RYR3: variants seen among roughly 807,000 people sequenced by gnomAD.
RYR3 encodes the protein brain ryanodine receptor-calcium release channel.
A neutral mutation model predicts 584.3 loss-of-function variants in RYR3; 207 were observed. The observed-to-expected ratio is 0.35, with a 90% CI of 0.32 to 0.40. The LOEUF (loss-of-function observed/expected upper bound fraction) is 0.40. RYR3 is among the 10% of genes least tolerant of loss of function. The pLI, the probability that RYR3 is intolerant of heterozygous loss-of-function variation, is 1.00. For synonymous variants in RYR3, 2,416 were observed against 2,248.5 expected, an observed-to-expected ratio of 1.07 and a Z score of -2.11; for missense variants, 5,616 against 6,089.2, an observed-to-expected ratio of 0.92 and a Z score of 2.59.
intron 85 of RYR3, among the ~76,000 whole-genome samples, chr15:33,827,916 G>A (rs769934002): frequency 3.3e-5 from 5 of 152,164 alleles, no homozygotes; most frequent in Non-Finnish European, 5.9e-5. Context: ...TTGGATACAG[G>A]CATACCTCAT....
chr15:33,369,580 A>ATCTGTCTGTCTGTCTG, intron 1 of RYR3, among the ~76,000 whole-genome samples: 1 of 151,660 alleles, frequency 6.6e-6, no homozygotes, highest in East Asian at 1.9e-4. Context: ...TCATCTATCT[A>ATCTGTCTGTCTGTCTG]TCTGTCTGTC....
rs1187202458 is a variant in RYR3, at chr15:33,699,738, G to A, written c.6284G>A (p.Arg2095His). The A allele has an allele frequency of 3.7e-6, 6 of 1,613,624 alleles. No homozygotes were observed. The highest frequency in any genetic ancestry group is 2.2e-5 in the East Asian group (1 of 44,852). Reference sequence around the variant, plus strand: ...CCAAAGATGGTTGCTAGCTGCTGCCGTTTCCTTTGCTATTTCTGTCGAATT... The same window carrying A: ...CCAAAGATGGTTGCTAGCTGCTGCCATTTCCTTTGCTATTTCTGTCGAATT... The part of the protein sequence containing the change: ...AFPKMVASCC[R>H]FLCYFCRISR... The change falls in exon 41 of 104, where the codon CGT becomes CAT. Residue 2095 changes from arginine (R) to histidine (H), a missense_variant. Physicochemically the swap from Arg to His is conservative, Grantham distance 29. Coordinates refer to ENST00000634891, the MANE Select transcript of RYR3 (RefSeq NM_001036.6).
At chr15:33,736,459 A>G in intron 49 of RYR3, 134 bp downstream of exon 49, 1 of 592,382 alleles carries the variant, frequency 1.7e-6, no homozygotes, top group Non-Finnish European at 2.9e-6. Context: ...ATGGTTAGCT[A>G]ACAAGATAGA....
chr15:33,820,850 C>T, intron 78 of RYR3, 38 bp downstream of exon 78: 4 of 1,504,200 alleles, frequency 2.7e-6, no homozygotes, highest in Non-Finnish European at 3.6e-6. Context: ...AGCCACCCTC[C>T]AAGGCCAATA....
At position 33,533,327 on chromosome 15, in the gene RYR3, C is replaced by T; in HGVS notation, c.371C>T (p.Thr124Ile). The stretch of plus-strand genomic sequence containing the variant: ...CTTTCACAGTATCTAACATGCTTGA[C>T]TACATCAAGATCCCAGACAGACAAA... ...SFSGMYLTCLTTSRSQTDKLA... is the reference protein window; with the variant it reads ...SFSGMYLTCLITSRSQTDKLA... Residue 124 changes from threonine to isoleucine, a missense_variant, in exon 5 of 104, where the codon ACT (threonine) becomes ATT (isoleucine). Physicochemically the swap from Thr to Ile is moderately conservative, Grantham distance 89 (BLOSUM62 -1). Transcript: ENST00000634891. 1 of 1,605,638 alleles carries T rather than the reference C, an allele frequency of 6.2e-7. No homozygotes were observed. Among genetic ancestry groups the T allele is most frequent in the Non-Finnish European group, 8.5e-7 (1 of 1,175,632 alleles).
At chr15:33,536,980 C>T (rs1362547675) in intron 5 of RYR3, among the ~76,000 whole-genome samples, 1 of 152,068 alleles carries the variant, frequency 6.6e-6, no homozygotes, top group Non-Finnish European at 1.5e-5. Context: ...TCTTTTCTTC[C>T]ACTCTTCCCA....
chr15:33,640,008 G>C (rs957828135), intron 27 of RYR3, among the ~76,000 whole-genome samples: 1 of 152,028 alleles, frequency 6.6e-6, no homozygotes, highest in African/African-American at 2.4e-5. Context: ...AGAGGCTTTG[G>C]TGTGGTCTCC....
intron 99 of RYR3, 54 bp downstream of exon 99, chr15:33,857,968 C>T: frequency 1.2e-6 from 2 of 1,604,200 alleles, no homozygotes; most frequent in South Asian, 1.1e-5. Context: ...CCACCCCGCC[C>T]CACCACCTCA....
chr15:33,678,028 G>A (rs2064302786), intron 38 of RYR3, among the ~76,000 whole-genome samples: 1 of 152,296 alleles, frequency 6.6e-6, no homozygotes, highest in East Asian at 1.9e-4. Flanking sequence ...ATAAAGTGAG[G>A]CTTGGGTTAA....
At chr15:33,425,637 A>AT (rs68182512) in intron 1 of RYR3, among the ~76,000 whole-genome samples, 1,398 of 121,646 alleles carry the variant, frequency 0.011, 36 homozygotes, top group African/African-American at 0.024. Context: ...GAGACTCACA[A>AT]TTTTTTTTTT....
intron 102 of RYR3, among the ~76,000 whole-genome samples, chr15:33,862,767 T>C (rs117151942): frequency 0.033 from 4,948 of 152,184 alleles, 161 homozygotes; most frequent in Non-Finnish European, 0.039. Context: ...CCTGCCACCA[T>C]CCTGGGCTAA....
Position 33,790,147 on chromosome 15 carries a change from C to T in RYR3, c.9830+1689C>T, listed in dbSNP as rs543901507. ...CTGGGACTACAGGCGCACACCACCA[C>T]GCCCAGCTAATTTTTATTGTATTTT... On this transcript the variant is annotated intron_variant, in intron 67 of 103. Transcript: ENST00000634891. Among the ~76,000 whole-genome samples, 198 of 151,668 alleles carry T rather than the reference C, an allele frequency of 1.3e-3. No individual in the cohort carries two copies. In the Middle Eastern group the frequency reaches 0.024, roughly 18 times the overall value.
Position 33,724,194 on chromosome 15 carries a change from C to T in RYR3, c.6912+18C>T, listed in dbSNP as rs770445916. ...AAATGCACGTAAGTGATACAGCTTC[C>T]AGAGAACAGCTTTGAGAAACCTATG... On this transcript the variant is annotated intron_variant, in intron 45 of 103. Coordinates refer to ENST00000634891, the MANE Select transcript of RYR3 (RefSeq NM_001036.6). 7.2e-7 allele frequency: 1 copy of T among 1,385,454 alleles called. No individual in the cohort carries two copies. Among genetic ancestry groups the T allele is most frequent in the East Asian group, 2.3e-5 (1 of 43,550 alleles). The allele number at this position is 1,385,454 out of a possible 1,614,324, so 85.8% of individuals were successfully genotyped here.
chr15:33,504,764 C>A (rs1467568853), intron 3 of RYR3, among the ~76,000 whole-genome samples: 1 of 152,200 alleles, frequency 6.6e-6, no homozygotes, highest in Admixed American at 6.5e-5. Context: ...ATCCCAGCGA[C>A]ATCGAATTCC....
chr15:33,395,126 A>G (rs1212070297), intron 1 of RYR3, among the ~76,000 whole-genome samples: 1 of 152,244 alleles, frequency 6.6e-6, no homozygotes, highest in Non-Finnish European at 1.5e-5. Context: ...GAGGAAAATC[A>G]AGAAAATGTG....
intron 43 of RYR3, among the ~76,000 whole-genome samples, chr15:33,720,695 C>A (rs952564053): frequency 6.6e-6 from 1 of 152,114 alleles, no homozygotes; most frequent in Non-Finnish European, 1.5e-5. Flanking sequence ...GAAACCCTGT[C>A]TTTACAAAAA....
chr15:33,764,700 T>C (rs2072850857), intron 60 of RYR3, among the ~76,000 whole-genome samples: 1 of 152,064 alleles, frequency 6.6e-6, no homozygotes, highest in Admixed American at 6.5e-5. Context: ...CTGCTTTCCA[T>C]CCCATGCTTA....
At chr15:33,398,885 C>T (rs2596185) in intron 1 of RYR3, among the ~76,000 whole-genome samples, 2,497 of 152,232 alleles carry the variant, frequency 0.016, 74 homozygotes, top group African/African-American at 0.055. Context: ...TACCTGGGTG[C>T]GGGGTGCACC....
intron 60 of RYR3, among the ~76,000 whole-genome samples, chr15:33,760,828 A>G (rs990938384): frequency 2.0e-5 from 3 of 152,218 alleles, no homozygotes; most frequent in Non-Finnish European, 2.9e-5. Context: ...ACCTATTCTA[A>G]AATTGACCAC....
Sources: allele counts gnomAD v4.1 joint callset (sites outside exome capture counted in the v4.1 genomes callset), GRCh38; gene constraint gnomAD v4.1.1; transcripts MANE v1.5; gene names NCBI Gene and HGNC (gene_info 2026-07-23, HGNC 2026-07-21).